The following OPHN1 variants were observed in gnomAD, a reference collection of about 807,000 sequenced individuals.
OPHN1 encodes oligophrenin 1.
Under a neutral mutation model 60.7 loss-of-function variants are expected in OPHN1, and 11 were observed. The observed-to-expected ratio is 0.18, with a 90% CI of 0.11 to 0.30. The LOEUF (loss-of-function observed/expected upper bound fraction) is 0.30, where lower values mean the gene tolerates loss of function less well. Among genes scored for constraint, OPHN1 ranks in the 10% least tolerant of loss-of-function variants. OPHN1 has a pLI of 1.00. For synonymous variants in OPHN1, 226 were observed against 222.6 expected (o/e 1.02, Z -0.14); for missense variants, 449 against 611.0 (o/e 0.73, Z 2.80).
intron 15 of OPHN1, among the ~76,000 whole-genome samples, chrX:68,188,646 A>G (rs780044101): frequency 8.9e-6 from 1 of 112,066 alleles, no homozygotes; most frequent in Non-Finnish European, 1.9e-5. Flanking sequence ...TAACATATAG[A>G]GTTCAAGTTC....
chrX:68,349,721 T>C (rs902126898), intron 2 of OPHN1, among the ~76,000 whole-genome samples: 1 of 111,861 alleles, frequency 8.9e-6, no homozygotes, highest in Non-Finnish European at 1.9e-5. Context: ...TGGAATCCTA[T>C]GCAGCCATAA....
At chrX:68,305,711 C>A (rs926577293) in intron 2 of OPHN1, among the ~76,000 whole-genome samples, 1 of 112,339 alleles carries the variant, frequency 8.9e-6, no homozygotes, top group African/African-American at 3.2e-5. Context: ...CATTAGCTGC[C>A]CACTAAGCAA....
chrX:68,276,690 G>A (rs1318618906), intron 4 of OPHN1, among the ~76,000 whole-genome samples: 8 of 111,123 alleles, frequency 7.2e-5, no homozygotes, highest in Non-Finnish European at 5.7e-5. Context: ...CCTTGAATGT[G>A]AGTGGGCTTG....
intron 5 of OPHN1, among the ~76,000 whole-genome samples, chrX:68,235,510 C>T (rs1172519402): frequency 9.0e-6 from 1 of 110,684 alleles, no homozygotes; most frequent in East Asian, 2.8e-4. Context: ...GGGCAGGAAG[C>T]TAGGGCAGAG....
Position 68,433,272 on chromosome X carries a change from C to G in OPHN1, c.-109G>C. 1 of 383,037 alleles carries G rather than the reference C, an allele frequency of 2.6e-6. No individual in the cohort carries two copies. The highest frequency in any genetic ancestry group is 4.5e-6 in the Non-Finnish European group (1 of 221,974). The allele number at this position is 383,037 out of a possible 1,213,427, so 31.6% of individuals were successfully genotyped here. ...GAGAGCTAACTATCGCAGTCGGATC[C>G]CGGCAGGGTGCTGCCTAGCAAGCAG... On this transcript the variant is annotated 5_prime_UTR_variant, in exon 1 of 25. Coordinates refer to ENST00000355520, the MANE Select transcript of OPHN1 (RefSeq NM_002547.3).
intron 2 of OPHN1, among the ~76,000 whole-genome samples, chrX:68,424,943 T>C (rs1179222745): frequency 8.9e-6 from 1 of 112,141 alleles, no homozygotes; most frequent in African/African-American, 3.2e-5. Flanking sequence ...CTATTAATAC[T>C]AACAGCAGTA....
intron 6 of OPHN1, among the ~76,000 whole-genome samples, chrX:68,227,285 T>G (rs1294629106): frequency 2.7e-5 from 3 of 110,605 alleles, no homozygotes; most frequent in Non-Finnish European, 5.7e-5. Flanking sequence ...GAAAGAGACC[T>G]AGACTCCCAC....
intron 5 of OPHN1, among the ~76,000 whole-genome samples, chrX:68,245,244 C>G (rs1425031599): frequency 1.8e-5 from 2 of 111,213 alleles, no homozygotes; most frequent in African/African-American, 6.5e-5. Context: ...AACTCTTTAG[C>G]CTCGTATTCA....
intron 2 of OPHN1, among the ~76,000 whole-genome samples, chrX:68,358,474 G>A (rs2078453894): frequency 8.9e-6 from 1 of 111,907 alleles, no homozygotes; most frequent in African/African-American, 3.2e-5. Context: ...AGGGAATACT[G>A]AATTTTGAAG....
In OPHN1 at chrX:68,207,132, A is replaced by AT. The variant is rs35644656; in HGVS notation, c.833-460dup. On this transcript the variant is annotated intron_variant, in intron 9 of 24. Transcript: ENST00000355520. ...CCCTATCAGTGTTGTTTTTGTTTTA[A>AT]TTTTTTTTTTTTTTTTGACAGAGTC... 6.8e-3 allele frequency among the ~76,000 whole-genome samples: 656 copies of AT among 96,282 alleles called. 3 individuals are homozygous for AT. The highest frequency in any genetic ancestry group is 0.012 in the East Asian group (36 of 3,091). 83.6% of individuals were successfully genotyped at this position (96,282 alleles called of 115,157 possible).
chrX:68,227,272 C>T (rs1206566861), intron 6 of OPHN1, among the ~76,000 whole-genome samples: 4 of 110,772 alleles, frequency 3.6e-5, no homozygotes, highest in African/African-American at 6.6e-5. Context: ...CCTTAGAGAC[C>T]GAGAAAGAGA....
chrX:68,332,551 C>T (rs1295234747), intron 2 of OPHN1, among the ~76,000 whole-genome samples: 1 of 111,983 alleles, frequency 8.9e-6, no homozygotes, highest in African/African-American at 3.2e-5. Flanking sequence ...GCCTTGGAGA[C>T]TGCAGAGCTT....
Position 68,268,231 on chromosome X carries a change from C to T in OPHN1, c.384+6507G>A, listed in dbSNP as rs772577164. ...ATAAAAAAGAAGGAATCCTCCCTAA[C>T]TCATTTTATGAGGCCAGCATCATTC... On this transcript the variant is annotated intron_variant, in intron 5 of 24. Coordinates refer to ENST00000355520, the MANE Select transcript of OPHN1 (RefSeq NM_002547.3). Among the ~76,000 whole-genome samples the T allele has an allele frequency of 2.4e-4, 27 of 111,816 alleles. No homozygotes were observed. The East Asian group carries it at 7.6e-3, about 31-fold the overall frequency.
chrX:68,403,689 G>A (rs184663464), intron 2 of OPHN1, among the ~76,000 whole-genome samples: 3 of 110,172 alleles, frequency 2.7e-5, no homozygotes, highest in Non-Finnish European at 5.7e-5. Context: ...TCACAGAGCC[G>A]TGCCAATTGG....
At chrX:68,317,026 C>T (rs1197678016) in intron 2 of OPHN1, among the ~76,000 whole-genome samples, 13 of 110,223 alleles carry the variant, frequency 1.2e-4, no homozygotes, top group African/African-American at 2.0e-4. Context: ...AGGCTGGGCA[C>T]GGTGGCACAA....
At chrX:68,299,211 C>T (rs2078109156) in intron 2 of OPHN1, 115 bp from the exon 3 acceptor site, 1 of 447,492 alleles carries the variant, frequency 2.2e-6, no homozygotes, top group South Asian at 2.6e-5. Flanking sequence ...GAGCAGGTTG[C>T]AACTAGCATT....
At chrX:68,399,203 C>G (rs2078700655) in intron 2 of OPHN1, among the ~76,000 whole-genome samples, 1 of 111,284 alleles carries the variant, frequency 9.0e-6, no homozygotes, top group Non-Finnish European at 1.9e-5. Context: ...CATCTCCACC[C>G]TCATCCAAGC....
chrX:68,087,949 G>C (rs779575857), intron 19 of OPHN1, among the ~76,000 whole-genome samples: 5 of 112,139 alleles, frequency 4.5e-5, no homozygotes. Flanking sequence ...AACTTTGAAA[G>C]TATCACGTCT....
chrX:68,258,719 G>C (rs1346148931), intron 5 of OPHN1, among the ~76,000 whole-genome samples: 2 of 110,206 alleles, frequency 1.8e-5, no homozygotes, highest in Non-Finnish European at 3.8e-5. Context: ...TTCCCAGATT[G>C]CTTGAGCAAA....
Sources: allele counts gnomAD v4.1 joint callset (sites outside exome capture counted in the v4.1 genomes callset), GRCh38; gene constraint gnomAD v4.1.1; transcripts MANE v1.5; gene names NCBI Gene and HGNC (gene_info 2026-07-23, HGNC 2026-07-21).